The following CORO2B variants were observed in gnomAD, a reference collection of about 807,000 sequenced individuals.
CORO2B encodes the protein coronin 2B, also known as coronin-2B.
CORO2B carries 26 observed loss-of-function variants against 58.8 expected under a neutral mutation model. That is an observed-to-expected ratio of 0.44 (90% CI 0.32 to 0.61). The LOEUF (loss-of-function observed/expected upper bound fraction) is 0.61. Ranked by LOEUF, CORO2B falls within the 20% of genes least tolerant of loss-of-function variation. CORO2B has a pLI of 0.04. For missense variants in CORO2B, 460 were observed against 645.1 expected, an observed-to-expected ratio of 0.71 and a Z score of 3.11; for synonymous variants, 242 against 253.8, an observed-to-expected ratio of 0.95 and a Z score of 0.44.
At chr15:68,675,813 A>C (rs756708268) in intron 2 of CORO2B, among the ~76,000 whole-genome samples, 42 of 152,136 alleles carry the variant, frequency 2.8e-4, no homozygotes, top group Non-Finnish European at 4.3e-4. Context: ...TTTACTGAGC[A>C]CCTTCTCTGT....
intron 3 of CORO2B, among the ~76,000 whole-genome samples, chr15:68,698,412 C>G (rs1452638521): frequency 6.6e-6 from 1 of 152,192 alleles, no homozygotes; most frequent in East Asian, 1.9e-4. Context: ...AAGGATCTGA[C>G]CAGTCCTAGC....
At chr15:68,578,541 C>A (rs149369549), upstream of CORO2B, among the ~76,000 whole-genome samples, 562 of 152,300 alleles carry the variant, frequency 3.7e-3, 6 homozygotes, top group African/African-American at 0.013. This position sits in a 1 kb window ranked among gnomAD's most constrained non-coding sequence, Gnocchi z 4.2. Flanking sequence ...CCCGGGCTTG[C>A]GGCTGCCACG....
intron 2 of CORO2B, among the ~76,000 whole-genome samples, chr15:68,674,080 G>A (rs1014264524): frequency 6.6e-6 from 1 of 152,168 alleles, no homozygotes; most frequent in Non-Finnish European, 1.5e-5. Flanking sequence ...GACTGGGAGC[G>A]GGAGAGAGGC....
In CORO2B at chr15:68,726,954, C is replaced by T. The variant is rs765855682; in HGVS notation, c.*980C>T. On this transcript the variant is annotated 3_prime_UTR_variant, in exon 12 of 12. Transcript: ENST00000261861. ...CTGCCCAGTTGAGGCCCCTCACGCT[C>T]TGTGCCCCTAGATCCTTCAGGTCCC... The T allele has an allele frequency of 2.0e-5, 3 of 152,410 alleles. No homozygotes were observed. Among genetic ancestry groups the T allele is most frequent in the Non-Finnish European group, 4.4e-5 (3 of 68,188 alleles). 9.4% of individuals were successfully genotyped at this position (152,410 alleles called of 1,614,324 possible).
At chr15:68,700,735 G>A (rs536254699) in intron 3 of CORO2B, among the ~76,000 whole-genome samples, 13 of 152,304 alleles carry the variant, frequency 8.5e-5, no homozygotes, top group African/African-American at 2.9e-4. Context: ...GCTGGCAGGC[G>A]GCAGGGAAGG....
In CORO2B at chr15:68,718,688, C is replaced by T; in HGVS notation, c.968-10C>T. 6.2e-7 allele frequency: 1 copy of T among 1,610,274 alleles called. No individual in the cohort carries two copies. The highest frequency in any genetic ancestry group is 8.5e-7 in the Non-Finnish European group (1 of 1,176,710). ...GGGACCCCATGGAGCCACATGTGTGCCTGTTACAGGGGTCATGCCCAAGCA... is the reference window on the plus strand; with the variant it reads ...GGGACCCCATGGAGCCACATGTGTGTCTGTTACAGGGGTCATGCCCAAGCA... On this transcript the variant is annotated splice_polypyrimidine_tract_variant and intron_variant, in intron 8 of 11. Transcript: ENST00000261861.
chr15:68,567,702 C>T, the CORO2B span, among the ~76,000 whole-genome samples: 16 of 152,240 alleles, frequency 1.1e-4, no homozygotes, highest in Non-Finnish European at 2.2e-4. Flanking sequence ...GCATGCCCTT[C>T]ACTCCTTCAA....
chr15:68,685,977 C>T (rs1281352665), intron 2 of CORO2B, among the ~76,000 whole-genome samples: 2 of 150,312 alleles, frequency 1.3e-5, no homozygotes, highest in African/African-American at 2.4e-5. Context: ...CTGCCGCCGA[C>T]CCCTTGTGGG....
chr15:68,593,044 G>A (rs1327258289), intron 1 of CORO2B, among the ~76,000 whole-genome samples: 1 of 152,182 alleles, frequency 6.6e-6, no homozygotes, highest in Non-Finnish European at 1.5e-5. Context: ...CATGGCAGAG[G>A]CATCACGTCA....
At chr15:68,535,705 A>G in the CORO2B span, among the ~76,000 whole-genome samples, 454 of 152,290 alleles carry the variant, frequency 3.0e-3, 1 homozygote, top group African/African-American at 0.01. Context: ...GTCAACTTCA[A>G]TCGCTAGCTC....
the CORO2B span, among the ~76,000 whole-genome samples, chr15:68,531,341 C>CAA: frequency 2.6e-5 from 4 of 151,494 alleles, no homozygotes; most frequent in East Asian, 7.7e-4. Flanking sequence ...ATACAAAAAA[C>CAA]AAAAAACAAG....
At chr15:68,718,199 G>A (rs181346220) in intron 8 of CORO2B, among the ~76,000 whole-genome samples, 1 of 152,364 alleles carries the variant, frequency 6.6e-6, no homozygotes, top group African/African-American at 2.4e-5. Flanking sequence ...ACATAGAACA[G>A]AACAGCAATC....
At chr15:68,543,699 C>T in the CORO2B span, among the ~76,000 whole-genome samples, 1 of 152,118 alleles carries the variant, frequency 6.6e-6, no homozygotes, top group Non-Finnish European at 1.5e-5. Flanking sequence ...CAACTTCTAT[C>T]GACTCCTATG....
chr15:68,681,670 C>T (rs900246921), intron 2 of CORO2B, among the ~76,000 whole-genome samples: 3 of 151,970 alleles, frequency 2.0e-5, no homozygotes, highest in Admixed American at 1.3e-4. Context: ...ACAGGGTGTG[C>T]GTGCCCCTCG....
At chr15:68,523,627 GGTTTA>G in the CORO2B span, among the ~76,000 whole-genome samples, 2 of 152,168 alleles carry the variant, frequency 1.3e-5, no homozygotes, top group Admixed American at 1.3e-4. Flanking sequence ...CTAACTGTCA[GGTTTA>G]GTTTTCTGTG....
At position 68,677,539 on chromosome 15, in the gene CORO2B, G is replaced by T. The variant is rs572760365; in HGVS notation, c.217-17601G>T. ...GGGAAAGGCCAGATGGTGGCGGGGG[G>T]ATGCTGAGGCTGTGCTCCAGGGGTT... is the stretch of plus-strand genomic sequence containing the variant. On this transcript the variant is annotated intron_variant, in intron 2 of 11. Transcript: ENST00000261861. Among the ~76,000 whole-genome samples, 343 of 152,322 alleles carry T rather than the reference G, an allele frequency of 2.3e-3. 3 individuals carry two copies. The highest frequency in any genetic ancestry group is 7.7e-3 in the African/African-American group (322 of 41,582).
the CORO2B span, among the ~76,000 whole-genome samples, chr15:68,520,836 A>G: frequency 6.6e-6 from 1 of 152,206 alleles, no homozygotes; most frequent in African/African-American, 2.4e-5. Context: ...ACCTGAGGTC[A>G]GGAGTTTGAG....
chr15:68,596,086 T>G (rs1899823592), intron 1 of CORO2B, among the ~76,000 whole-genome samples: 1 of 151,388 alleles, frequency 6.6e-6, no homozygotes, highest in South Asian at 2.1e-4. Flanking sequence ...TGTGCAGGAG[T>G]GCTGTTCCTG....
At chr15:68,625,533 G>A (rs1488346915) in intron 1 of CORO2B, among the ~76,000 whole-genome samples, 1 of 152,010 alleles carries the variant, frequency 6.6e-6, no homozygotes, top group Non-Finnish European at 1.5e-5. Context: ...TTATATCAAT[G>A]GAATCATTGG....
Sources: gnomAD v4.1 joint callset for allele counts (sites outside exome capture counted in the v4.1 genomes callset) on GRCh38, gnomAD v4.1.1 for gene constraint, Gnocchi (gnomAD v3.1) non-coding constraint, MANE v1.5 for transcripts, NCBI Gene and HGNC (gene_info 2026-07-23, HGNC 2026-07-21) for gene names.